Variants in TNRC6A observed in about 807,000 individuals in gnomAD.
The protein encoded by TNRC6A is trinucleotide repeat-containing gene 6A protein.
Under a neutral mutation model 221.2 loss-of-function variants are expected in TNRC6A, and 44 were observed. The ratio of observed to expected loss-of-function variants is 0.20; its 90% CI spans 0.16 to 0.26. The LOEUF is 0.26. Among genes scored for constraint, TNRC6A ranks in the 10% least tolerant of loss-of-function variants. The probability of loss-of-function intolerance (pLI) is 1.00; values close to 1 mark genes in which losing one functional copy is unlikely to be tolerated. For missense variants in TNRC6A, 2,199 were observed against 2,404.4 expected (o/e 0.91, Z 1.79); for synonymous variants, 847 against 838.5 (o/e 1.01, Z -0.18).
chr16:24,708,301 C>T (rs1229007930), intron 2 of TNRC6A, among the ~76,000 whole-genome samples: 2 of 148,368 alleles, frequency 1.3e-5, no homozygotes, highest in Non-Finnish European at 3.0e-5. Context: ...GGTGCGGTGG[C>T]GCGATGTCAG....
intron 12 of TNRC6A, 53 bp from the exon 13 acceptor site, chr16:24,804,652 C>G (rs1390968670): frequency 1.3e-6 from 2 of 1,534,136 alleles, no homozygotes; most frequent in South Asian, 1.3e-5. Context: ...TGATTTCTCC[C>G]TTCCACTTGT....
At chr16:24,630,835 A>T (rs896555449) in intron 1 of TNRC6A, among the ~76,000 whole-genome samples, 1 of 152,154 alleles carries the variant, frequency 6.6e-6, no homozygotes, top group African/African-American at 2.4e-5. Flanking sequence ...TCCCTGTCTA[A>T]ATGGCCCCAA....
At chr16:24,657,333 A>C (rs573299663) in intron 2 of TNRC6A, among the ~76,000 whole-genome samples, 1,548 of 146,222 alleles carry the variant, frequency 0.011, 40 homozygotes, top group African/African-American at 0.037. Flanking sequence ...AAAAAAAAAA[A>C]AAAAAAAAAC....
intron 2 of TNRC6A, among the ~76,000 whole-genome samples, chr16:24,672,207 C>T (rs1469162146): frequency 3.4e-5 from 5 of 146,850 alleles, no homozygotes; most frequent in South Asian, 2.2e-4. Context: ...CTGCAAGCTC[C>T]GCCTCCCGGG....
chr16:24,737,252 G>C (rs1291931220), intron 2 of TNRC6A, among the ~76,000 whole-genome samples: 1 of 152,196 alleles, frequency 6.6e-6, no homozygotes, highest in African/African-American at 2.4e-5. Flanking sequence ...TTAAGAAACT[G>C]CTTCTTTATG....
At chr16:24,818,749 C>A in intron 21 of TNRC6A, 49 bp downstream of exon 21, 2 of 1,426,794 alleles carry the variant, frequency 1.4e-6, no homozygotes, top group Non-Finnish European at 2.0e-6. Flanking sequence ...CAGCCAGAGC[C>A]GCGGCTGTTG....
intron 4 of TNRC6A, among the ~76,000 whole-genome samples, chr16:24,769,568 A>G (rs529264527): frequency 6.6e-5 from 10 of 151,362 alleles, no homozygotes; most frequent in African/African-American, 1.7e-4. Context: ...CTTTTTTGAT[A>G]TGGACCAGGG....
At chr16:24,719,370 TA>T (rs2056371244) in intron 2 of TNRC6A, among the ~76,000 whole-genome samples, 1 of 152,038 alleles carries the variant, frequency 6.6e-6, no homozygotes, top group South Asian at 2.1e-4. Flanking sequence ...CAAAAAATTT[TA>T]AAAATCAGTT....
chr16:24,758,874 C>G (rs753536261), intron 4 of TNRC6A, among the ~76,000 whole-genome samples: 7 of 151,972 alleles, frequency 4.6e-5, no homozygotes, highest in Middle Eastern at 6.8e-3. Context: ...ACCCATTAGA[C>G]CCCAAGCAAA....
upstream of TNRC6A, among the ~76,000 whole-genome samples, chr16:24,729,300 AAT>A (rs2056549200): frequency 9.4e-6 from 1 of 106,564 alleles, no homozygotes; most frequent in African/African-American, 4.0e-5. Flanking sequence ...CGTTTTAGGC[AAT>A]TTTTTTTTTT....
At chr16:24,766,826 G>A (rs973536062) in intron 4 of TNRC6A, among the ~76,000 whole-genome samples, 1 of 151,842 alleles carries the variant, frequency 6.6e-6, no homozygotes, top group African/African-American at 2.4e-5. Context: ...ACAGGCGCCT[G>A]CCACCACACC....
chr16:24,756,841 C>T (rs1472375453), intron 3 of TNRC6A, among the ~76,000 whole-genome samples: 1 of 152,008 alleles, frequency 6.6e-6, no homozygotes, highest in African/African-American at 2.4e-5. Context: ...ACTTAGTTTC[C>T]ATTGGAAGTA....
At chr16:24,736,574 G>A (rs2056772656) in intron 2 of TNRC6A, among the ~76,000 whole-genome samples, 2 of 152,156 alleles carry the variant, frequency 1.3e-5, no homozygotes, top group Admixed American at 1.3e-4. Context: ...AAATAGTCCA[G>A]TCTAGTTGTT....
At chr16:24,672,575 G>A (rs1391550420) in intron 2 of TNRC6A, among the ~76,000 whole-genome samples, 1 of 152,042 alleles carries the variant, frequency 6.6e-6, no homozygotes, top group Non-Finnish European at 1.5e-5. Flanking sequence ...CTGAGTAGCT[G>A]GGACTACAAG....
rs560946054 is a variant in TNRC6A, at chr16:24,800,092, C to G, written c.3694+2126C>G. On this transcript the variant is annotated intron_variant, in intron 11 of 24. Transcript: ENST00000395799. ...CTGTAGCAGTCTTCATCTTCCAGGG[C>G]AGTGGAGCCATTGTTGCGGTTTTTG... Among the ~76,000 whole-genome samples, 510 of 152,270 alleles carry G rather than the reference C, an allele frequency of 3.3e-3. 13 individuals carry two copies. The highest frequency in any genetic ancestry group is 8.5e-4 in the Non-Finnish European group (58 of 68,026).
At chr16:24,662,204 C>T (rs1183982113) in intron 2 of TNRC6A, 1 of 151,858 alleles carries the variant, frequency 6.6e-6, no homozygotes, top group Non-Finnish European at 1.5e-5. Flanking sequence ...AGTCTCAGCA[C>T]CTTGGGAGGC....
intron 4 of TNRC6A, among the ~76,000 whole-genome samples, chr16:24,769,127 G>A (rs1384805630): frequency 1.3e-5 from 2 of 152,086 alleles, no homozygotes; most frequent in Admixed American, 1.3e-4. Flanking sequence ...GTTTTCATGT[G>A]AATATAAGAC....
chr16:24,748,018 G>C (rs1425494623), intron 2 of TNRC6A, among the ~76,000 whole-genome samples: 1 of 152,168 alleles, frequency 6.6e-6, no homozygotes, highest in Non-Finnish European at 1.5e-5. Flanking sequence ...TTCTGAATAA[G>C]TACCTGTGCT....
At chr16:24,674,463 A>C (rs965609902) in intron 2 of TNRC6A, among the ~76,000 whole-genome samples, 1 of 152,124 alleles carries the variant, frequency 6.6e-6, no homozygotes, top group Non-Finnish European at 1.5e-5. Context: ...AGCGTGCCCT[A>C]AACAGTGAGT....
Sources: allele counts gnomAD v4.1 joint callset (sites outside exome capture counted in the v4.1 genomes callset), GRCh38; gene constraint gnomAD v4.1.1; transcripts MANE v1.5; gene names NCBI Gene and HGNC (gene_info 2026-07-23, HGNC 2026-07-21).